Variants in KCTD16 observed in about 807,000 individuals in gnomAD.
KCTD16 encodes potassium channel tetramerization domain containing 16, also known as BTB/POZ domain-containing protein KCTD16.
Under a neutral mutation model 33.2 loss-of-function variants are expected in KCTD16, and 13 were observed. The observed-to-expected ratio is 0.39, with a 90% CI of 0.25 to 0.62. The LOEUF (loss-of-function observed/expected upper bound fraction) is 0.62. KCTD16 is among the 20% of genes least tolerant of loss of function. KCTD16 has a pLI of 0.50. For synonymous variants in KCTD16, 197 were observed against 195.3 expected, an observed-to-expected ratio of 1.01 and a Z score of -0.07; for missense variants, 441 against 525.1, an observed-to-expected ratio of 0.84 and a Z score of 1.57.
chr5:144,292,300 C>A (rs137994971), intron 3 of KCTD16, among the ~76,000 whole-genome samples: 7 of 152,142 alleles, frequency 4.6e-5, no homozygotes, highest in Admixed American at 2.6e-4. Flanking sequence ...ACTGAGTAAC[C>A]CAGGATACTA....
intron 3 of KCTD16, among the ~76,000 whole-genome samples, chr5:144,340,886 C>T (rs1024728285): frequency 1.3e-5 from 2 of 152,062 alleles, no homozygotes; most frequent in Middle Eastern, 6.8e-3. Context: ...CCCGTCTCTA[C>T]TAAACATACA....
At chr5:144,430,687 G>A (rs1054953203) in intron 3 of KCTD16, among the ~76,000 whole-genome samples, 8 of 152,240 alleles carry the variant, frequency 5.3e-5, no homozygotes, top group South Asian at 2.1e-4. Flanking sequence ...ATCATCTGTC[G>A]TTAGTGCTTT....
chr5:144,354,124 TAATA>T (rs1469845341), intron 3 of KCTD16, among the ~76,000 whole-genome samples: 1 of 152,112 alleles, frequency 6.6e-6, no homozygotes, highest in Non-Finnish European at 1.5e-5. Context: ...ATTTAGTAGA[TAATA>T]AAAATATGTA....
rs1204632291 is a variant in KCTD16, at chr5:144,479,644, A to C, written c.*5530A>C. 2 of 151,906 alleles carry C rather than the reference A, an allele frequency of 1.3e-5. No homozygotes were observed. Among genetic ancestry groups the C allele is most frequent in the African/African-American group, 4.8e-5 (2 of 41,416 alleles). 9.4% of individuals were successfully genotyped at this position (151,906 alleles called of 1,614,324 possible). On this transcript the variant is annotated 3_prime_UTR_variant, in exon 4 of 4. Coordinates refer to ENST00000512467, the MANE Select transcript of KCTD16 (RefSeq NM_020768.4). ...CCAAGATTAAAACAAAAATGGTTAA[A>C]TTTGATTCAGTTTGTTGCCCTCTCT...
At chr5:144,317,715 CT>C (rs1751958736) in intron 3 of KCTD16, among the ~76,000 whole-genome samples, 2 of 152,204 alleles carry the variant, frequency 1.3e-5, no homozygotes, top group Non-Finnish European at 2.9e-5. Flanking sequence ...TCTCCTTCTT[CT>C]GATTCCCTCC....
chr5:144,360,507 C>T (rs1250092595), intron 3 of KCTD16, among the ~76,000 whole-genome samples: 1 of 151,888 alleles, frequency 6.6e-6, no homozygotes, highest in African/African-American at 2.4e-5. Flanking sequence ...TCTCAGCTCA[C>T]TGCAACCTCT....
At chr5:144,298,974 G>A (rs1482483504) in intron 3 of KCTD16, among the ~76,000 whole-genome samples, 1 of 142,062 alleles carries the variant, frequency 7.0e-6, no homozygotes, top group African/African-American at 2.6e-5. Flanking sequence ...CGGGAATGGG[G>A]CAGGCTAAGA....
intron 3 of KCTD16, among the ~76,000 whole-genome samples, chr5:144,271,039 C>G (rs2126846767): frequency 6.6e-6 from 1 of 151,976 alleles, no homozygotes; most frequent in Admixed American, 6.6e-5. Context: ...AGTCTTTCAA[C>G]AAAGAAAAGC....
chr5:144,213,779 T>G (rs1288488593), intron 3 of KCTD16, among the ~76,000 whole-genome samples: 5 of 152,208 alleles, frequency 3.3e-5, no homozygotes, highest in Non-Finnish European at 7.4e-5. Context: ...ATTGGGTGTA[T>G]TCTCTCCATT....
chr5:144,386,792 C>T (rs558960971), intron 3 of KCTD16, among the ~76,000 whole-genome samples: 27 of 152,144 alleles, frequency 1.8e-4, no homozygotes, highest in Non-Finnish European at 3.5e-4. Flanking sequence ...ACAAAAAAAA[C>T]AGCCATTCCT....
At chr5:144,342,091 GT>G in intron 3 of KCTD16, among the ~76,000 whole-genome samples, 1 of 152,254 alleles carries the variant, frequency 6.6e-6, no homozygotes, top group South Asian at 2.1e-4. Flanking sequence ...CTTTAAAGTA[GT>G]TTTTTCCAAT....
intron 2 of KCTD16, among the ~76,000 whole-genome samples, chr5:144,179,402 C>G (rs1433063447): frequency 6.6e-6 from 1 of 152,220 alleles, no homozygotes. Context: ...ATACTGTACA[C>G]CACAGGCCCT....
intron 3 of KCTD16, among the ~76,000 whole-genome samples, chr5:144,363,968 C>T (rs934754856): frequency 1.3e-5 from 2 of 151,992 alleles, no homozygotes; most frequent in Non-Finnish European, 2.9e-5. Flanking sequence ...TTGGTGGTGA[C>T]ATATTTATTT....
At chr5:144,277,973 G>A (rs1755484672) in intron 3 of KCTD16, among the ~76,000 whole-genome samples, 1 of 152,120 alleles carries the variant, frequency 6.6e-6, no homozygotes, top group African/African-American at 2.4e-5. Flanking sequence ...CTCCCAACAT[G>A]TAGCTAGTCT....
intron 3 of KCTD16, among the ~76,000 whole-genome samples, chr5:144,260,937 T>A (rs1048214031): frequency 6.6e-6 from 1 of 152,022 alleles, no homozygotes; most frequent in Non-Finnish European, 1.5e-5. Context: ...ATTAACTCTA[T>A]AGGCTGGCAG....
chr5:144,392,895 A>G (rs1313349396), intron 3 of KCTD16, among the ~76,000 whole-genome samples: 2 of 152,194 alleles, frequency 1.3e-5, no homozygotes, highest in Non-Finnish European at 2.9e-5. Context: ...GCTGGCCAGC[A>G]TTAGATATGG....
intron 3 of KCTD16, among the ~76,000 whole-genome samples, chr5:144,251,462 A>G (rs967044770): frequency 2.0e-5 from 3 of 152,330 alleles, no homozygotes; most frequent in East Asian, 1.9e-4. Flanking sequence ...CATTAAATCA[A>G]TGGTAACTAT....
intron 3 of KCTD16, among the ~76,000 whole-genome samples, chr5:144,452,587 G>A (rs1226582356): frequency 6.6e-6 from 1 of 152,010 alleles, no homozygotes; most frequent in Non-Finnish European, 1.5e-5. Flanking sequence ...ACGGGAAAGA[G>A]CATTGCTAGA....
At chr5:144,203,631 T>C (rs530293531) in intron 2 of KCTD16, among the ~76,000 whole-genome samples, 46 of 152,362 alleles carry the variant, frequency 3.0e-4, no homozygotes, top group African/African-American at 1.1e-3. Context: ...ACTGCCATAC[T>C]GTCCCTGCAG....
Sources: allele counts gnomAD v4.1 joint callset (sites outside exome capture counted in the v4.1 genomes callset), GRCh38; gene constraint gnomAD v4.1.1; transcripts MANE v1.5; gene names NCBI Gene and HGNC (gene_info 2026-07-23, HGNC 2026-07-21).